The following SNX30 variants were observed in gnomAD, a reference collection of about 807,000 sequenced individuals.
SNX30 encodes sorting nexin-30.
In SNX30, 24 loss-of-function variants were observed where a neutral mutation model predicts 46.4. That is an observed-to-expected ratio of 0.52 (90% confidence interval 0.37 to 0.73). The LOEUF is 0.73. Among genes scored for constraint, SNX30 ranks in the 30% least tolerant of loss-of-function variants. The pLI is 0.00. For missense variants in SNX30, 533 were observed against 555.7 expected (o/e 0.96, Z 0.41); for synonymous variants, 189 against 211.5 (o/e 0.89, Z 0.92).
At position 112,750,932 on chromosome 9, in the gene SNX30, G is replaced by C. The variant is rs1389052934; in HGVS notation, c.-70G>C. On this transcript the variant is annotated 5_prime_UTR_variant, in exon 1 of 9. Coordinates refer to ENST00000374232, the MANE Select transcript of SNX30 (RefSeq NM_001012994.2). ...GCGGCCGAGCGGGGCTCGGCCCGGG[G>C]TGCTCGGGGAGCTCGCCGCGGCGGG... 2 of 1,166,710 alleles carry C rather than the reference G, an allele frequency of 1.7e-6. No individual in the cohort carries two copies. Among genetic ancestry groups the C allele is most frequent in the Non-Finnish European group, 2.1e-6 (2 of 946,846 alleles). 72.3% of individuals were successfully genotyped at this position (1,166,710 alleles called of 1,614,324 possible).
intron 5 of SNX30, 128 bp from the exon 6 acceptor site, chr9:112,838,370 T>C (rs1174304388): frequency 1.4e-6 from 1 of 698,086 alleles, no homozygotes; most frequent in Non-Finnish European, 2.4e-6. Flanking sequence ...AAGAGTGGGA[T>C]CAGGTGAGTG....
At chr9:112,805,266 T>C (rs1253159090) in intron 2 of SNX30, among the ~76,000 whole-genome samples, 1 of 152,152 alleles carries the variant, frequency 6.6e-6, no homozygotes, top group Non-Finnish European at 1.5e-5. Flanking sequence ...TAATATCATA[T>C]TGCTTCTGAA....
chr9:112,757,573 C>T (rs1839370523), intron 1 of SNX30, among the ~76,000 whole-genome samples: 1 of 152,188 alleles, frequency 6.6e-6, no homozygotes, highest in South Asian at 2.1e-4. Flanking sequence ...TTAGAAACCT[C>T]CATACTGTTT....
chr9:112,851,119 T>C (rs1841018164), intron 7 of SNX30, among the ~76,000 whole-genome samples, 174 bp downstream of exon 7: 1 of 152,344 alleles, frequency 6.6e-6, no homozygotes, highest in Admixed American at 6.5e-5. Context: ...TTCCTAGTGT[T>C]CACTTGGGAT....
In SNX30 at chr9:112,750,885, G is replaced by T; in HGVS notation, c.-117G>T. 2 of 991,700 alleles carry T rather than the reference G, an allele frequency of 2.0e-6. No homozygotes were observed. The highest frequency in any genetic ancestry group is 2.5e-6 in the Non-Finnish European group (2 of 811,262). The allele number at this position is 991,700 out of a possible 1,614,324, so 61.4% of individuals were successfully genotyped here. On this transcript the variant is annotated 5_prime_UTR_variant, in exon 1 of 9. Transcript: ENST00000374232. ...GTGGCGGCGGCCCCCAGCACGGCCG[G>T]TGCAAGGCCTCGGGTTAAGCGGCGG...
intron 1 of SNX30, among the ~76,000 whole-genome samples, chr9:112,778,843 T>C (rs569466604): frequency 1.4e-5 from 2 of 140,512 alleles, no homozygotes; most frequent in Non-Finnish European, 3.0e-5. Flanking sequence ...ACAGCACAGA[T>C]CATAAGTGTT....
At chr9:112,849,817 CT>C (rs752115552) in intron 6 of SNX30, among the ~76,000 whole-genome samples, 2 of 152,168 alleles carry the variant, frequency 1.3e-5, no homozygotes, top group Non-Finnish European at 2.9e-5. Flanking sequence ...GGAAGGTCCC[CT>C]GTGGGGAAAG....
At chr9:112,775,750 A>G (rs1336224461) in intron 1 of SNX30, among the ~76,000 whole-genome samples, 4 of 148,664 alleles carry the variant, frequency 2.7e-5, no homozygotes, top group African/African-American at 5.0e-5. Context: ...AAGATATGCT[A>G]TGCATAAATA....
chr9:112,804,108 C>G (rs374593656), intron 1 of SNX30, among the ~76,000 whole-genome samples: 278 of 151,244 alleles, frequency 1.8e-3, no homozygotes, highest in African/African-American at 6.2e-3. Context: ...GCGTCGCTCA[C>G]GCTGGGAGCT....
intron 8 of SNX30, 50 bp downstream of exon 8, chr9:112,864,449 C>T: frequency 6.2e-7 from 1 of 1,605,558 alleles, no homozygotes; most frequent in Non-Finnish European, 8.5e-7. Flanking sequence ...GAGCCTTTCA[C>T]ATGGGCCTAC....
chr9:112,775,411 G>C (rs990292774), intron 1 of SNX30, among the ~76,000 whole-genome samples: 3 of 152,074 alleles, frequency 2.0e-5, no homozygotes, highest in Admixed American at 1.3e-4. Context: ...GCCTCCCAAA[G>C]TGCTGGGATT....
In SNX30 at chr9:112,844,784, G is replaced by T. The variant is rs139580814; in HGVS notation, c.1015-6075G>T. Among the ~76,000 whole-genome samples, 328 of 152,338 alleles carry T rather than the reference G, an allele frequency of 2.2e-3. 2 individuals are homozygous for T. The highest frequency in any genetic ancestry group is 7.1e-3 in the African/African-American group (296 of 41,570). On this transcript the variant is annotated intron_variant, in intron 6 of 8. Transcript: ENST00000374232. The stretch of plus-strand genomic sequence containing the variant: ...TGGAGATAACTTCTACAACATTCCG[G>T]GTTAGTCCTTTTCAAAAGCCAATTT...
chr9:112,841,330 C>T (rs1006547926), intron 6 of SNX30, among the ~76,000 whole-genome samples: 1 of 152,212 alleles, frequency 6.6e-6, no homozygotes, highest in African/African-American at 2.4e-5. Flanking sequence ...AAACATTACA[C>T]TGGGAGACAT....
intron 3 of SNX30, among the ~76,000 whole-genome samples, chr9:112,823,615 T>A (rs1840538528): frequency 6.6e-6 from 1 of 152,230 alleles, no homozygotes. Flanking sequence ...ACCTCAGTTT[T>A]AAGGAAGAAA....
At chr9:112,804,373 C>T (rs1364307272) in intron 1 of SNX30, among the ~76,000 whole-genome samples, 1 of 152,200 alleles carries the variant, frequency 6.6e-6, no homozygotes, top group Admixed American at 6.5e-5. Flanking sequence ...CCATGTTGGC[C>T]AGGCTGGTCT....
intron 1 of SNX30, among the ~76,000 whole-genome samples, chr9:112,775,018 G>A (rs971826786): frequency 5.3e-5 from 8 of 151,324 alleles, no homozygotes; most frequent in African/African-American, 1.9e-4. Flanking sequence ...CTCATTTTTT[G>A]TATTTTTAGT....
chr9:112,864,332 A>G lies in SNX30; in HGVS notation c.1187A>G (p.Asn396Ser). ...GCTGACATGGAGAGGTGGCAGAACAACAAGAGGCAGGACTTCCGGCAGCTA... is the reference window on the plus strand; with the variant it reads ...GCTGACATGGAGAGGTGGCAGAACAGCAAGAGGCAGGACTTCCGGCAGCTA... ...LKADMERWQNNKRQDFRQLLM... is the reference protein window; with the variant it reads ...LKADMERWQNSKRQDFRQLLM... Residue 396 changes from asparagine (N) to serine (S), a missense_variant, in exon 8 of 9, where the codon AAC (asparagine) becomes AGC (serine). Physicochemically the swap from Asn to Ser is conservative, Grantham distance 46. This residue lies in a region of SNX30 where 261 missense variants were observed against 270.9 expected (regional missense o/e 0.96). Coordinates refer to ENST00000374232, the MANE Select transcript of SNX30 (RefSeq NM_001012994.2). 1 of 1,614,240 alleles carries G rather than the reference A, an allele frequency of 6.2e-7. No individual in the cohort carries two copies. Among genetic ancestry groups the G allele is most frequent in the Non-Finnish European group, 8.5e-7 (1 of 1,180,036 alleles).
downstream of SNX30, chr9:112,877,406 C>T (rs895570832): frequency 6.6e-6 from 1 of 152,264 alleles, no homozygotes; most frequent in African/African-American, 2.4e-5. Context: ...AGAGGCTGGA[C>T]CAGAAGGTAA....
intron 1 of SNX30, among the ~76,000 whole-genome samples, chr9:112,781,459 G>A (rs1839846262): frequency 6.6e-6 from 1 of 151,954 alleles, no homozygotes; most frequent in Non-Finnish European, 1.5e-5. Context: ...TTTCCTTTAT[G>A]GATTCTGCTT....
Sources: gnomAD v4.1 joint callset for allele counts (sites outside exome capture counted in the v4.1 genomes callset) on GRCh38, gnomAD v4.1.1 for gene constraint, gnomAD v4.1.1 regional missense constraint, MANE v1.5 for transcripts, NCBI Gene and HGNC (gene_info 2026-07-23, HGNC 2026-07-21) for gene names.